OR3A2: variants seen among roughly 807,000 people sequenced by gnomAD.
OR3A2 encodes the protein olfactory receptor family 3 subfamily A member 2.
For missense variants in OR3A2, 318 were observed against 392.8 expected, an observed-to-expected ratio of 0.81 and a Z score of 1.61; for synonymous variants, 126 against 159.3, an observed-to-expected ratio of 0.79 and a Z score of 1.57.
intron 3 of OR3A2, among the ~76,000 whole-genome samples, chr17:3,297,974 T>C (rs2048933137): frequency 6.6e-6 from 1 of 151,866 alleles, no homozygotes; most frequent in Non-Finnish European, 1.5e-5. Context: ...GTTTCTTTGT[T>C]GTTCTTCTTT....
chr17:3,306,547 T>C (rs1175282878), intron 3 of OR3A2, among the ~76,000 whole-genome samples: 1 of 151,214 alleles, frequency 6.6e-6, no homozygotes, highest in East Asian at 1.9e-4. Context: ...ATATATAGAG[T>C]GTTTGTGGGG....
In OR3A2 at chr17:3,386,109, T is replaced by C. The variant is rs780529771; in HGVS notation, c.-275+16A>G. On this transcript the variant is annotated intron_variant, in intron 1 of 4. Coordinates refer to the OR3A2 transcript ENST00000573491. ...ACGGGGCCCTCCGCTCCCCCATGTA[T>C]TACTTCTTGGGTCACCTGAGCCTCG... 40 of 398,714 alleles carry C rather than the reference T, an allele frequency of 1.0e-4. No homozygotes were observed. Among genetic ancestry groups the C allele is most frequent in the Non-Finnish European group, 1.5e-4 (33 of 226,292 alleles). 24.7% of individuals were successfully genotyped at this position (398,714 alleles called of 1,614,324 possible). A position where few individuals can be genotyped will look rare whatever the true frequency, so the allele number is the denominator to read the frequency against.
chr17:3,353,367 T>G (rs184271435), intron 2 of OR3A2, among the ~76,000 whole-genome samples: 49 of 152,044 alleles, frequency 3.2e-4, no homozygotes, highest in African/African-American at 1.1e-3. Flanking sequence ...CTTGTCTAAC[T>G]GTTCTAGCTA....
chr17:3,303,940 A>G (rs998893487), intron 3 of OR3A2, among the ~76,000 whole-genome samples: 2 of 146,172 alleles, frequency 1.4e-5, no homozygotes, highest in African/African-American at 5.0e-5. Flanking sequence ...TATATTATAT[A>G]TATATATTAG....
At chr17:3,345,067 A>G (rs1184139516) in intron 2 of OR3A2, among the ~76,000 whole-genome samples, 1 of 152,186 alleles carries the variant, frequency 6.6e-6, no homozygotes, top group Non-Finnish European at 1.5e-5. Context: ...AAAGGCAAGC[A>G]GGGGAAGATA....
At chr17:3,375,543 C>G (rs887384463) in intron 2 of OR3A2, among the ~76,000 whole-genome samples, 2 of 151,984 alleles carry the variant, frequency 1.3e-5, no homozygotes, top group Non-Finnish European at 2.9e-5. Flanking sequence ...CTCAAGTGAT[C>G]CACCCTCCTC....
At chr17:3,303,394 A>T (rs923667554) in intron 3 of OR3A2, among the ~76,000 whole-genome samples, 2 of 152,116 alleles carry the variant, frequency 1.3e-5, no homozygotes, top group African/African-American at 4.8e-5. Flanking sequence ...GCAAGCTACA[A>T]ATTTGATTTT....
At chr17:3,287,788 A>G (rs979712103), upstream of OR3A2, among the ~76,000 whole-genome samples, 2 of 152,000 alleles carry the variant, frequency 1.3e-5, no homozygotes, top group African/African-American at 2.4e-5. Context: ...CTCAGTTAAA[A>G]TATTTTTACT....
intron 3 of OR3A2, among the ~76,000 whole-genome samples, chr17:3,296,981 C>G (rs2048923856): frequency 6.6e-6 from 1 of 152,204 alleles, no homozygotes; most frequent in Admixed American, 6.5e-5. Context: ...TTTTCTTTCA[C>G]TCTCTGCTCC....
intron 2 of OR3A2, among the ~76,000 whole-genome samples, chr17:3,365,636 T>C (rs186547297): frequency 1.5e-4 from 23 of 152,264 alleles, no homozygotes; most frequent in Admixed American, 1.5e-3. Flanking sequence ...CTCCACCGTC[T>C]TGAACTTGGA....
At chr17:3,378,019 T>C (rs1361475533) in intron 2 of OR3A2, among the ~76,000 whole-genome samples, 1 of 152,198 alleles carries the variant, frequency 6.6e-6, no homozygotes, top group Non-Finnish European at 1.5e-5. Flanking sequence ...ACCATCTGAT[T>C]GGCTGAATGG....
intron 3 of OR3A2, chr17:3,310,609 G>T: frequency 1.9e-6 from 1 of 539,974 alleles, no homozygotes; most frequent in South Asian, 1.4e-5. Context: ...TATAAGGCCT[G>T]CCTCTCCGAG....
At chr17:3,371,441 C>A in intron 2 of OR3A2, among the ~76,000 whole-genome samples, 1 of 139,142 alleles carries the variant, frequency 7.2e-6, no homozygotes, top group Admixed American at 6.9e-5. Flanking sequence ...CCACCTCCCT[C>A]CCGGACGGGG....
chr17:3,362,321 G>A (rs531666188), intron 2 of OR3A2, among the ~76,000 whole-genome samples: 25 of 151,176 alleles, frequency 1.7e-4, no homozygotes, highest in African/African-American at 5.6e-4. Context: ...TTCTTTATTA[G>A]TCTTGCTAGC....
At chr17:3,359,488 T>A (rs1567567203) in intron 2 of OR3A2, among the ~76,000 whole-genome samples, 1 of 151,768 alleles carries the variant, frequency 6.6e-6, no homozygotes, top group East Asian at 1.9e-4. Context: ...ATTCCCTCAA[T>A]ATTTGCTTAT....
Position 3,343,270 on chromosome 17 carries a change from T to C in OR3A2, c.-178-7144A>G, listed in dbSNP as rs1355569318. On this transcript the variant is annotated intron_variant, in intron 2 of 4. Transcript: ENST00000573491. ...CACCCTCTGTGGGCTGCTCCCACTGTCCAACCAGTTCCAATGAGATGAACC... is the reference window on the plus strand; with the variant it reads ...CACCCTCTGTGGGCTGCTCCCACTGCCCAACCAGTTCCAATGAGATGAACC... Among the ~76,000 whole-genome samples the C allele has an allele frequency of 2.0e-5, 3 of 152,180 alleles. 1 individual carries two copies. Among genetic ancestry groups the C allele is most frequent in the South Asian group, 4.1e-4 (2 of 4,828 alleles).
chr17:3,326,047 T>A (rs1382111086), intron 3 of OR3A2, among the ~76,000 whole-genome samples: 5 of 152,098 alleles, frequency 3.3e-5, no homozygotes, highest in Admixed American at 3.3e-4. Flanking sequence ...GGTGTTTGGT[T>A]TTCTGTGCCC....
chr17:3,353,791 T>G (rs2049440787), intron 2 of OR3A2, among the ~76,000 whole-genome samples: 2 of 151,862 alleles, frequency 1.3e-5, no homozygotes, highest in African/African-American at 2.4e-5. Context: ...GTCCATCACC[T>G]CAAGCACTTA....
chr17:3,307,591 C>T (rs13341121), intron 3 of OR3A2, among the ~76,000 whole-genome samples: 2 of 152,098 alleles, frequency 1.3e-5, no homozygotes, highest in African/African-American at 4.8e-5. Context: ...GTCCTCTAAC[C>T]CTTTATCTTC....
Sources: gnomAD v4.1 joint callset for allele counts (sites outside exome capture counted in the v4.1 genomes callset) on GRCh38, gnomAD v4.1.1 for gene constraint, MANE v1.5 for transcripts, NCBI Gene and HGNC (gene_info 2026-07-23, HGNC 2026-07-21) for gene names.